ATP6V1H: variants seen among roughly 807,000 people sequenced by gnomAD.
The protein encoded by ATP6V1H is V-type proton ATPase subunit H.
In ATP6V1H, 39 loss-of-function variants were observed where a neutral mutation model predicts 71.7. That is an observed-to-expected ratio of 0.54 (90% CI 0.42 to 0.71). The LOEUF (loss-of-function observed/expected upper bound fraction) is 0.71, where lower values mean the gene tolerates loss of function less well. ATP6V1H is among the 30% of genes least tolerant of loss of function. ATP6V1H has a pLI of 0.00. For synonymous variants in ATP6V1H, 192 were observed against 199.3 expected (o/e 0.96, Z 0.31); for missense variants, 509 against 594.9 (o/e 0.86, Z 1.50).
chr8:53,826,669 G>C (rs1190118234), intron 4 of ATP6V1H, among the ~76,000 whole-genome samples: 1 of 152,122 alleles, frequency 6.6e-6, no homozygotes, highest in Non-Finnish European at 1.5e-5. Context: ...ATATTGGGCT[G>C]AGCGCAGTGG....
chr8:53,742,706 T>C (rs900163), intron 13 of ATP6V1H, among the ~76,000 whole-genome samples: 25,409 of 152,176 alleles, frequency 0.17, 3,446 homozygotes, highest in East Asian at 0.37. Flanking sequence ...ACCACAGCAG[T>C]ACTCCTGGAT....
At chr8:53,812,219 AAGCCTGGGTACCCT>A (rs1810297707) in intron 6 of ATP6V1H, among the ~76,000 whole-genome samples, 2 of 152,166 alleles carry the variant, frequency 1.3e-5, no homozygotes, top group Admixed American at 6.5e-5. Flanking sequence ...AGGCCAGGCT[AAGCCTGGGTACCCT>A]GAAGAGTTCC....
intron 12 of ATP6V1H, among the ~76,000 whole-genome samples, chr8:53,754,903 G>T (rs1336826671): frequency 6.6e-6 from 1 of 152,222 alleles, no homozygotes; most frequent in Non-Finnish European, 1.5e-5. Flanking sequence ...CCAGCCAGAG[G>T]ACATTTGTCC....
At chr8:53,800,483 T>G (rs1809874734) in intron 8 of ATP6V1H, among the ~76,000 whole-genome samples, 1 of 152,178 alleles carries the variant, frequency 6.6e-6, no homozygotes, top group Non-Finnish European at 1.5e-5. Flanking sequence ...ACAATAATGG[T>G]GAAATGGGTC....
intron 2 of ATP6V1H, among the ~76,000 whole-genome samples, chr8:53,837,154 A>AG (rs1403642731): frequency 5.9e-5 from 9 of 152,082 alleles, no homozygotes; most frequent in Non-Finnish European, 1.0e-4. Context: ...AAAAAAAAAA[A>AG]AGAGAGAGTG....
chr8:53,833,303 C>T (rs979334870), intron 2 of ATP6V1H: 7 of 496,652 alleles, frequency 1.4e-5, no homozygotes, highest in East Asian at 6.9e-5. Flanking sequence ...CTGCAAAATG[C>T]GAACAATAAT....
At chr8:53,783,116 G>A (rs1563464676) in intron 9 of ATP6V1H, among the ~76,000 whole-genome samples, 2 of 152,176 alleles carry the variant, frequency 1.3e-5, no homozygotes, top group South Asian at 2.1e-4. Flanking sequence ...CAGAAGGAAT[G>A]GTACCAGCTC....
chr8:53,777,784 A>C (rs1808948016), intron 9 of ATP6V1H, among the ~76,000 whole-genome samples: 2 of 152,232 alleles, frequency 1.3e-5, no homozygotes, highest in Admixed American at 6.5e-5. Context: ...AAACAGGTGG[A>C]CCACATTTGG....
chr8:53,767,479 A>C (rs1212901193), intron 11 of ATP6V1H, among the ~76,000 whole-genome samples: 1 of 152,242 alleles, frequency 6.6e-6, no homozygotes, highest in Non-Finnish European at 1.5e-5. Context: ...GTAACAATTT[A>C]AAATATCTAC....
chr8:53,780,318 A>G (rs2130357402), intron 9 of ATP6V1H, among the ~76,000 whole-genome samples: 1 of 152,178 alleles, frequency 6.6e-6, no homozygotes, highest in South Asian at 2.1e-4. Flanking sequence ...GTCATTTTTG[A>G]TTTTCCCTTT....
chr8:53,776,030 C>T (rs1808871608), intron 9 of ATP6V1H, among the ~76,000 whole-genome samples: 1 of 152,194 alleles, frequency 6.6e-6, no homozygotes, highest in African/African-American at 2.4e-5. Context: ...GCTGCAGTCC[C>T]GAGGCCTGCC....
intron 9 of ATP6V1H, among the ~76,000 whole-genome samples, chr8:53,778,998 G>T (rs971250747): frequency 6.6e-6 from 1 of 152,174 alleles, no homozygotes; most frequent in African/African-American, 2.4e-5. Flanking sequence ...AGTTCATCAG[G>T]AAAATGTAGC....
At chr8:53,839,011 T>C (rs577557699) in intron 2 of ATP6V1H, among the ~76,000 whole-genome samples, 9 of 152,148 alleles carry the variant, frequency 5.9e-5, no homozygotes, top group African/African-American at 2.2e-4. Context: ...TGGTGAACAT[T>C]TGCCCACAGG....
Position 53,798,782 on chromosome 8 carries a change from T to A in ATP6V1H, c.678-2943A>T, listed in dbSNP as rs142131567. ...AATGCCCATTTCTCCACCTAAAGGT[T>A]TATCTGATTACTGCTAATCTTATTA... On this transcript the variant is annotated intron_variant, in intron 8 of 13. Coordinates refer to ENST00000359530, the MANE Select transcript of ATP6V1H (RefSeq NM_015941.4). 2.2e-3 allele frequency among the ~76,000 whole-genome samples: 336 copies of A among 152,344 alleles called. 2 individuals carry two copies. The highest frequency in any genetic ancestry group is 7.8e-3 in the African/African-American group (325 of 41,574).
chr8:53,739,599 A>G (rs1166557782), intron 13 of ATP6V1H: 2 of 152,248 alleles, frequency 1.3e-5, no homozygotes, highest in African/African-American at 2.4e-5. Flanking sequence ...CCATATGCAC[A>G]TATCGTTGCT....
At chr8:53,788,706 A>G (rs1809462352) in intron 9 of ATP6V1H, among the ~76,000 whole-genome samples, 2 of 152,176 alleles carry the variant, frequency 1.3e-5, no homozygotes, top group South Asian at 4.1e-4. Flanking sequence ...ACACTAAACA[A>G]TCAAGTGCTG....
chr8:53,819,717 T>C (rs1221104269), intron 4 of ATP6V1H, among the ~76,000 whole-genome samples: 1 of 140,726 alleles, frequency 7.1e-6, no homozygotes, highest in Non-Finnish European at 1.5e-5. Flanking sequence ...TATATACATA[T>C]ACTTTGTATA....
intron 13 of ATP6V1H, among the ~76,000 whole-genome samples, chr8:53,719,506 T>C (rs1046062324): frequency 3.3e-5 from 5 of 152,308 alleles, no homozygotes; most frequent in East Asian, 1.9e-4. Flanking sequence ...TGACATTATG[T>C]AGTCAATGAA....
chr8:53,808,716 G>A (rs1422424031), intron 7 of ATP6V1H, among the ~76,000 whole-genome samples: 8 of 151,546 alleles, frequency 5.3e-5, no homozygotes, highest in Non-Finnish European at 1.2e-4. Flanking sequence ...CTGGAGGATC[G>A]CTTCAGCCTG....
Sources: allele counts gnomAD v4.1 joint callset (sites outside exome capture counted in the v4.1 genomes callset), GRCh38; gene constraint gnomAD v4.1.1; transcripts MANE v1.5; gene names NCBI Gene and HGNC (gene_info 2026-07-23, HGNC 2026-07-21).